Variants in NDUFA13 observed in about 807,000 individuals in gnomAD.
The protein encoded by NDUFA13 is NADH:ubiquinone oxidoreductase subunit A13.
NDUFA13 carries 16 observed loss-of-function variants against 17.0 expected under a neutral mutation model. The observed-to-expected ratio is 0.94, with a 90% CI of 0.64 to 1.43. The LOEUF (loss-of-function observed/expected upper bound fraction) is 1.43. Among genes scored for constraint, NDUFA13 ranks in the 40% most tolerant of loss-of-function variants. The pLI is 0.00. For missense variants in NDUFA13, 228 were observed against 206.7 expected (o/e 1.10, Z -0.63); for synonymous variants, 87 against 78.4 (o/e 1.11, Z -0.58).
At chr19:19,524,802 T>C (rs1427889378) in intron 1 of NDUFA13, among the ~76,000 whole-genome samples, 1 of 151,522 alleles carries the variant, frequency 6.6e-6, no homozygotes, top group Non-Finnish European at 1.5e-5. Flanking sequence ...TGAGATTCCG[T>C]CTCAAAAATA....
At chr19:19,516,944 C>T (rs1265032803) in intron 1 of NDUFA13, among the ~76,000 whole-genome samples, 1 of 151,972 alleles carries the variant, frequency 6.6e-6, no homozygotes, top group Non-Finnish European at 1.5e-5. Context: ...TGTGCCACAA[C>T]GCCTGGCTAA....
intron 1 of NDUFA13, among the ~76,000 whole-genome samples, chr19:19,520,764 T>C (rs1327722393): frequency 6.6e-6 from 1 of 152,224 alleles, no homozygotes. Context: ...GTCTTCCCTA[T>C]TAGCAATCAT....
chr19:19,517,282 G>A (rs1387699151), intron 1 of NDUFA13, among the ~76,000 whole-genome samples: 1 of 151,384 alleles, frequency 6.6e-6, no homozygotes, highest in East Asian at 1.9e-4. Context: ...CTGTTGCCTG[G>A]GCTGGAGTGA....
chr19:19,516,348 C>A lies in NDUFA13; in HGVS notation c.94+16C>A. 3.1e-6 allele frequency: 5 copies of A among 1,612,276 alleles called. No individual in the cohort carries two copies. Among genetic ancestry groups the A allele is most frequent in the Non-Finnish European group, 4.2e-6 (5 of 1,179,334 alleles). On this transcript the variant is annotated intron_variant, in intron 1 of 4. Coordinates refer to ENST00000507754, the MANE Select transcript of NDUFA13 (RefSeq NM_015965.7). ...GGACTGTCGGGTCAGTATCACTCTG[C>A]GCCGGGGTCTCAGAGTCTGGGCACT...
chr19:19,526,593 C>T (rs1568360052), intron 2 of NDUFA13: 2 of 391,090 alleles, frequency 5.1e-6, no homozygotes, highest in South Asian at 2.1e-5. Flanking sequence ...GGTTGGGACC[C>T]GTGGATCCAG....
At chr19:19,518,805 C>T (rs1459678757) in intron 1 of NDUFA13, among the ~76,000 whole-genome samples, 1 of 125,710 alleles carries the variant, frequency 8.0e-6, no homozygotes. Context: ...TGCAATGGTG[C>T]AATCTTGGCT....
chr19:19,525,119 T>C (rs2061094403), intron 1 of NDUFA13, among the ~76,000 whole-genome samples: 1 of 152,202 alleles, frequency 6.6e-6, no homozygotes, highest in African/African-American at 2.4e-5. Flanking sequence ...GGCTGAGAGC[T>C]GGGAGCTGGC....
At chr19:19,526,311 G>T in intron 2 of NDUFA13, 51 bp downstream of exon 2, 2 of 1,595,406 alleles carry the variant, frequency 1.3e-6, no homozygotes, top group Non-Finnish European at 8.6e-7. Context: ...GCGAGTTGTC[G>T]GGGTCCTGTA....
chr19:19,519,942 A>AT (rs1391703659), intron 1 of NDUFA13, among the ~76,000 whole-genome samples: 19 of 145,410 alleles, frequency 1.3e-4, no homozygotes, highest in Admixed American at 6.1e-4. Flanking sequence ...CCAGGACATG[A>AT]TGGGCTGGCT....
At chr19:19,518,729 A>ATTTTTT (rs566386690) in intron 1 of NDUFA13, among the ~76,000 whole-genome samples, 563 of 34,116 alleles carry the variant, frequency 0.017, 68 homozygotes, top group Non-Finnish European at 0.024. Context: ...ATGCCCTGCG[A>ATTTTTT]TTTTTTTTTT....
intron 1 of NDUFA13, among the ~76,000 whole-genome samples, chr19:19,520,756 C>T (rs1446029235): frequency 1.3e-5 from 2 of 152,224 alleles, no homozygotes; most frequent in Admixed American, 6.5e-5. Flanking sequence ...GAAACCCCGT[C>T]TTCCCTATTA....
chr19:19,526,260 G>T lies in NDUFA13; in HGVS notation c.173G>T (p.Arg58Met), dbSNP rs1204996976. ...WSIMKWNRER[R>M]RLQIEDFEAR... ...ATAATGAAGTGGAACCGTGAGCGCA[G>T]GTAGGGCCCCTGGTGGGCGTTGTCT... is the stretch of plus-strand genomic sequence containing the variant. The change falls in exon 2 of 5, where the codon AGG (arginine) becomes ATG (methionine). Residue 58 changes from arginine (R) to methionine (M), a missense_variant and splice_region_variant. Transcript: ENST00000507754. The T allele has an allele frequency of 6.2e-7, 1 of 1,614,098 alleles. No homozygotes were observed. The highest frequency in any genetic ancestry group is 2.2e-5 in the East Asian group (1 of 44,890).
In NDUFA13 at chr19:19,528,165, C is replaced by T. The variant is rs747428362; in HGVS notation, c.*39C>T. 6.2e-7 allele frequency: 1 copy of T among 1,609,110 alleles called. No homozygotes were observed. Among genetic ancestry groups the T allele is most frequent in the African/African-American group, 1.3e-5 (1 of 74,856 alleles). ...CGGCCACCTGGATCCCTGCCCCTCC[C>T]CACTGGGACGGAATAAATGCTCTGC... On this transcript the variant is annotated 3_prime_UTR_variant, in exon 5 of 5. Transcript: ENST00000507754.
At chr19:19,525,953 TG>T in intron 1 of NDUFA13, 2 of 1,352,766 alleles carry the variant, frequency 1.5e-6, no homozygotes, top group Non-Finnish European at 1.9e-6. Flanking sequence ...ACGATGGACC[TG>T]GGGCCCCCCT....
chr19:19,519,488 A>ACC (rs2061066357), intron 1 of NDUFA13, among the ~76,000 whole-genome samples: 1 of 151,748 alleles, frequency 6.6e-6, no homozygotes. Flanking sequence ...GCACATACAC[A>ACC]CCCACCCCAG....
chr19:19,527,990 C>T lies in NDUFA13; in HGVS notation c.316-17C>T, dbSNP rs1224808113. On this transcript the variant is annotated splice_polypyrimidine_tract_variant and intron_variant, in intron 4 of 4. Coordinates refer to ENST00000507754, the MANE Select transcript of NDUFA13 (RefSeq NM_015965.7). Reference sequence around the variant, plus strand: ...ATGGGTGGCTGTGCCTCTACCCATACCCCACTGTCCCCACAGGTGGGGGAG... The same window carrying T: ...ATGGGTGGCTGTGCCTCTACCCATATCCCACTGTCCCCACAGGTGGGGGAG... The T allele has an allele frequency of 6.2e-7, 1 of 1,612,378 alleles. No individual in the cohort carries two copies. Among genetic ancestry groups the T allele is most frequent in the East Asian group, 2.2e-5 (1 of 44,858 alleles).
Position 19,526,213 on chromosome 19 carries a change from C to T in NDUFA13, c.126C>T (p.Thr42=), listed in dbSNP as rs1302432451. The T allele has an allele frequency of 1.9e-6, 3 of 1,614,166 alleles. No individual in the cohort carries two copies. The highest frequency in any genetic ancestry group is 8.5e-7 in the Non-Finnish European group (1 of 1,180,022). The change falls in exon 2 of 5, where the codon ACC becomes ACT. Residue 42 remains threonine, a synonymous_variant. Transcript: ENST00000507754. ...GCATGCTGGCCATAGGGATTGGAACCCTGATCTACGGGCACTGGAGCATAA... is the reference window on the plus strand; with the variant it reads ...GCATGCTGGCCATAGGGATTGGAACTCTGATCTACGGGCACTGGAGCATAA... ...GYSMLAIGIG[T]LIYGHWSIMK...
intron 1 of NDUFA13, among the ~76,000 whole-genome samples, chr19:19,520,648 A>T (rs1356240531): frequency 6.6e-6 from 1 of 152,206 alleles, no homozygotes; most frequent in African/African-American, 2.4e-5. Flanking sequence ...TAATAATAAT[A>T]TAGTGAAGTG....
chr19:19,519,045 A>ATT (rs71170693), intron 1 of NDUFA13, among the ~76,000 whole-genome samples: 12,315 of 114,748 alleles, frequency 0.11, 814 homozygotes, highest in South Asian at 0.16. Flanking sequence ...GGCCCGGCCT[A>ATT]TTTTTTTTTT....
Sources: allele counts gnomAD v4.1 joint callset (sites outside exome capture counted in the v4.1 genomes callset), GRCh38; gene constraint gnomAD v4.1.1; transcripts MANE v1.5; gene names NCBI Gene and HGNC (gene_info 2026-07-23, HGNC 2026-07-21).